AGT: variants seen among roughly 807,000 people sequenced by gnomAD.
AGT encodes alpha-1 antiproteinase, antitrypsin.
AGT carries 26 observed loss-of-function variants against 28.1 expected under a neutral mutation model. That is an observed-to-expected ratio of 0.92 (90% CI 0.68 to 1.28). The LOEUF (loss-of-function observed/expected upper bound fraction) is 1.28. Among genes scored for constraint, AGT ranks in the 50% most tolerant of loss-of-function variants. AGT has a pLI of 0.00. For missense variants in AGT, 596 were observed against 592.3 expected (o/e 1.01, Z -0.06); for synonymous variants, 259 against 259.6 (o/e 1.00, Z 0.02).
At position 230,703,228 on chromosome 1, in the gene AGT, G is replaced by GT. The variant is rs756687983; in HGVS notation, c.1343dup (p.Asn448LysfsTer10). 12 of 1,614,208 alleles carry GT rather than the reference G, an allele frequency of 7.4e-6. No individual in the cohort carries two copies. Among genetic ancestry groups the GT allele is most frequent in the Non-Finnish European group, 1.0e-5 (12 of 1,180,050 alleles). On this transcript the variant is annotated frameshift_variant, in exon 5 of 5. Transcript: ENST00000366667. LOFTEE classifies it low-confidence loss of function (END_TRUNC). ...CATACACAGCAAACAGGAATGGGCG[G>GT]TTCAGGGTCACCTCCAAGACCTCAG...
At chr1:230,724,254 T>A (rs4028825) in intron 1 of AGT, among the ~76,000 whole-genome samples, 2,068 of 152,344 alleles carry the variant, frequency 0.014, 54 homozygotes, top group African/African-American at 0.046. Flanking sequence ...TAACCCCTAA[T>A]CTATTCTGTT....
intron 1 of AGT, among the ~76,000 whole-genome samples, chr1:230,712,976 C>T (rs536787385): frequency 1.3e-4 from 20 of 152,268 alleles, no homozygotes; most frequent in Non-Finnish European, 2.8e-4. Context: ...TCCTGTGGTG[C>T]CTGCCATTTG....
intron 1 of AGT, among the ~76,000 whole-genome samples, chr1:230,730,209 C>A (rs1206168765): frequency 1.3e-5 from 2 of 151,762 alleles, no homozygotes; most frequent in Non-Finnish European, 2.9e-5. Context: ...GTGTGAGCTA[C>A]CATGCCCGGC....
At chr1:230,708,450 C>T (rs2478544) in intron 2 of AGT, among the ~76,000 whole-genome samples, 5 of 152,122 alleles carry the variant, frequency 3.3e-5, no homozygotes, top group East Asian at 1.9e-4. Flanking sequence ...CACCCTCAAC[C>T]GGGCAACCCT....
intron 1 of AGT, among the ~76,000 whole-genome samples, chr1:230,713,566 C>T (rs925690391): frequency 3.3e-5 from 5 of 152,192 alleles, no homozygotes; most frequent in South Asian, 2.1e-4. Context: ...GCCCAGGCAT[C>T]GTTATTAGTT....
chr1:230,744,408 C>T (rs936460737), intron 1 of AGT, among the ~76,000 whole-genome samples: 7 of 152,180 alleles, frequency 4.6e-5, no homozygotes, highest in African/African-American at 2.4e-5. Flanking sequence ...TGGAGAAGTC[C>T]GGTGCCATGA....
intron 3 of AGT, among the ~76,000 whole-genome samples, chr1:230,705,316 C>T (rs1364774249): frequency 6.6e-6 from 1 of 152,220 alleles, no homozygotes; most frequent in Non-Finnish European, 1.5e-5. Context: ...GATGTCAAGC[C>T]ATCGTGTCAC....
chr1:230,710,417 G>A lies in AGT; in HGVS notation c.407C>T (p.Ser136Phe). 1 of 1,614,208 alleles carries A rather than the reference G, an allele frequency of 6.2e-7. No homozygotes were observed. Among genetic ancestry groups the A allele is most frequent in the Middle Eastern group, 1.6e-4 (1 of 6,062 alleles). The change falls in exon 2 of 5, where the codon TCT becomes TTT. Residue 136 changes from serine (S) to phenylalanine (F), a missense_variant. Physicochemically the swap from Ser to Phe is radical, Grantham distance 155. Transcript: ENST00000366667. ...SPTAVFGTLASLYLGALDHTA... is the reference protein window; with the variant it reads ...SPTAVFGTLAFLYLGALDHTA... ...GTGGTCCAAGGCTCCCAGATAGAGAGAGGCCAGGGTGCCAAAGACAGCCGT... is the reference window on the plus strand; with the variant it reads ...GTGGTCCAAGGCTCCCAGATAGAGAAAGGCCAGGGTGCCAAAGACAGCCGT...
Position 230,704,193 on chromosome 1 carries a change from C to T in AGT, c.1242G>A (p.Glu414=), listed in dbSNP as rs779779498. The T allele has an allele frequency of 7.4e-6, 12 of 1,614,144 alleles. No individual in the cohort carries two copies. Among genetic ancestry groups the T allele is most frequent in the Non-Finnish European group, 1.0e-5 (12 of 1,180,060 alleles). ...KLSNDRIRVG[E]VLNSIFFELE... is the part of the protein sequence containing the mutation. ...GGCACAGACACAGGCTCACACATAC[C>T]TCCCCCACCCTGATGCGGTCATTGC... The change falls in exon 4 of 5, where the codon GAG becomes GAA. Residue 414 remains glutamate, a splice_region_variant and synonymous_variant. Transcript: ENST00000366667.
intron 1 of AGT, among the ~76,000 whole-genome samples, chr1:230,731,969 C>T (rs1363035940): frequency 1.3e-5 from 2 of 152,084 alleles, no homozygotes; most frequent in Non-Finnish European, 2.9e-5. Flanking sequence ...CTTTGTGCAG[C>T]GGCTCCTCAT....
chr1:230,717,086 T>C (rs1184746410), upstream of AGT, among the ~76,000 whole-genome samples: 2 of 144,240 alleles, frequency 1.4e-5, no homozygotes, highest in African/African-American at 5.0e-5. Context: ...CTTGATTTTA[T>C]ACAACACATG....
chr1:230,725,191 A>G (rs1053974775), intron 1 of AGT, among the ~76,000 whole-genome samples: 3 of 152,248 alleles, frequency 2.0e-5, no homozygotes. Flanking sequence ...TATTCCAGAA[A>G]ATACTTTTTT....
At chr1:230,734,534 G>A (rs1158633624) in intron 1 of AGT, among the ~76,000 whole-genome samples, 1 of 151,822 alleles carries the variant, frequency 6.6e-6, no homozygotes, top group African/African-American at 2.4e-5. Flanking sequence ...AAATGGTTAA[G>A]GTTGTAAATT....
At chr1:230,743,083 C>T (rs1236541419) in intron 1 of AGT, among the ~76,000 whole-genome samples, 2 of 152,128 alleles carry the variant, frequency 1.3e-5, no homozygotes, top group Admixed American at 6.5e-5. Flanking sequence ...CTCTGACTCC[C>T]GGGTTCAAGC....
chr1:230,703,047 G>T lies in AGT; in HGVS notation c.*94C>A. On this transcript the variant is annotated 3_prime_UTR_variant, in exon 5 of 5. Transcript: ENST00000366667. ...GGTGGGAGACTGGGGGTGACACATCGCTGATTTGTCCGGGGTTGTTATCTG... is the reference window on the plus strand; with the variant it reads ...GGTGGGAGACTGGGGGTGACACATCTCTGATTTGTCCGGGGTTGTTATCTG... 1.4e-6 allele frequency: 2 copies of T among 1,383,564 alleles called. No homozygotes were observed. Among genetic ancestry groups the T allele is most frequent in the South Asian group, 2.5e-5 (2 of 80,890 alleles). 85.7% of individuals were successfully genotyped at this position (1,383,564 alleles called of 1,614,324 possible). A position where few individuals can be genotyped will look rare whatever the true frequency, so the allele number is the denominator to read the frequency against.
At chr1:230,704,095 G>T in intron 4 of AGT, 98 bp downstream of exon 4, 1 of 1,582,930 alleles carries the variant, frequency 6.3e-7, no homozygotes, top group Non-Finnish European at 8.7e-7. Flanking sequence ...TGCCCTGCTG[G>T]CCCCACCCAT....
rs539645495 is a variant in AGT, at chr1:230,724,325, A to G, written c.-30-13472T>C. 1.7e-3 allele frequency among the ~76,000 whole-genome samples: 252 copies of G among 152,326 alleles called. 2 individuals are homozygous for G. Among genetic ancestry groups the G allele is most frequent in the Non-Finnish European group, 2.1e-3 (144 of 68,032 alleles). On this transcript the variant is annotated intron_variant, in intron 1 of 4. Coordinates refer to the AGT transcript ENST00000681269. ...GACTTATATATTGTCCTTTCATTTA[A>G]AAATTAGCTTTAGAAACATCTACTG... is the stretch of plus-strand genomic sequence containing the variant.
chr1:230,732,661 C>G (rs1664088671), intron 1 of AGT, among the ~76,000 whole-genome samples: 2 of 152,066 alleles, frequency 1.3e-5, no homozygotes, highest in African/African-American at 4.8e-5. Context: ...ACAAAGTAAG[C>G]TACAGAAAAT....
At chr1:230,709,015 C>T (rs1663478412) in intron 2 of AGT, among the ~76,000 whole-genome samples, 3 of 152,184 alleles carry the variant, frequency 2.0e-5, no homozygotes, top group African/African-American at 7.2e-5. Context: ...CCTAGCTTCA[C>T]CAGCCCTGTT....
Sources: gnomAD v4.1 joint callset for allele counts (sites outside exome capture counted in the v4.1 genomes callset) on GRCh38, gnomAD v4.1.1 for gene constraint, MANE v1.5 for transcripts, NCBI Gene and HGNC (gene_info 2026-07-23, HGNC 2026-07-21) for gene names.